Variants in PDE4B observed in about 807,000 individuals in gnomAD.
PDE4B encodes the protein 3',5'-cyclic-AMP phosphodiesterase 4B.
PDE4B carries 20 observed loss-of-function variants against 82.2 expected under a neutral mutation model. The observed-to-expected ratio is 0.24, with a 90% CI of 0.17 to 0.35. PDE4B has a LOEUF of 0.35. Ranked by LOEUF, PDE4B falls within the 10% of genes least tolerant of loss-of-function variation. PDE4B has a pLI of 1.00. For missense variants in PDE4B, 655 were observed against 907.2 expected, an observed-to-expected ratio of 0.72 and a Z score of 3.57; for synonymous variants, 320 against 318.9, an observed-to-expected ratio of 1.00 and a Z score of -0.04.
chr1:65,833,346 C>A (rs2101305153), intron 1 of PDE4B, among the ~76,000 whole-genome samples: 1 of 152,338 alleles, frequency 6.6e-6, no homozygotes, highest in Non-Finnish European at 1.5e-5. Context: ...AGCCTTTCCA[C>A]TTCTCCCCTC....
intron 1 of PDE4B, among the ~76,000 whole-genome samples, chr1:65,857,312 C>G (rs1047473982): frequency 6.6e-6 from 1 of 152,198 alleles, no homozygotes; most frequent in Non-Finnish European, 1.5e-5. Flanking sequence ...TCCTGGTACT[C>G]ATTGCATTCC....
intron 3 of PDE4B, among the ~76,000 whole-genome samples, chr1:66,139,977 C>G (rs1646139458): frequency 6.6e-6 from 1 of 152,100 alleles, no homozygotes; most frequent in Non-Finnish European, 1.5e-5. Flanking sequence ...GGCAGTGATC[C>G]CACTAGACTC....
rs1270950435 is a variant in PDE4B at position 65,796,984 on chromosome 1, G to A, written c.-71+3736G>A. ...TTTTTTTTTTTTGAGATGGAGTCTC[G>A]CTCTGTTGCCTAGGCTGGAATGCAG... On this transcript the variant is annotated intron_variant, in intron 1 of 16. Transcript: ENST00000341517. Among the ~76,000 whole-genome samples the A allele has an allele frequency of 1.4e-4, 19 of 139,464 alleles. No individual in the cohort carries two copies. The South Asian group carries it at 2.7e-3, about 20-fold the overall frequency. 91.5% of individuals were successfully genotyped at this position (139,464 alleles called of 152,430 possible).
chr1:65,983,771 C>T (rs1441162601), intron 3 of PDE4B, among the ~76,000 whole-genome samples: 1 of 128,094 alleles, frequency 7.8e-6, no homozygotes, highest in Non-Finnish European at 1.7e-5. Flanking sequence ...ATTTAAACCA[C>T]CCACTCATTT....
intron 1 of PDE4B, among the ~76,000 whole-genome samples, chr1:65,897,738 TG>T (rs1646927316): frequency 6.6e-6 from 1 of 152,138 alleles, no homozygotes; most frequent in South Asian, 2.1e-4. Context: ...CTACCATTGA[TG>T]GGCACACAGG....
At chr1:66,266,124 G>A (rs1655018135) in intron 7 of PDE4B, 37 bp downstream of exon 7, 1 of 1,471,346 alleles carries the variant, frequency 6.8e-7, no homozygotes, top group African/African-American at 1.4e-5. Flanking sequence ...GATGTTTCAA[G>A]ATAGAATAAT....
At chr1:66,322,959 A>G (rs148738999) in intron 7 of PDE4B, among the ~76,000 whole-genome samples, 72 of 152,252 alleles carry the variant, frequency 4.7e-4, no homozygotes, top group African/African-American at 1.7e-3. Flanking sequence ...AAACTCGTGT[A>G]TGTCTTCCTG....
intron 1 of PDE4B, among the ~76,000 whole-genome samples, chr1:65,905,107 A>G (rs1174236491): frequency 6.6e-6 from 1 of 152,178 alleles, no homozygotes; most frequent in East Asian, 1.9e-4. Context: ...GCTTGGCACA[A>G]GAGATATAGT....
At chr1:66,083,896 T>C (rs1656869726) in intron 3 of PDE4B, among the ~76,000 whole-genome samples, 1 of 152,196 alleles carries the variant, frequency 6.6e-6, no homozygotes, top group Non-Finnish European at 1.5e-5. Flanking sequence ...GCCAGTCTTC[T>C]TTCTTCAGCT....
At chr1:65,946,469 GTGATGGTA>G (rs1648718342) in intron 3 of PDE4B, among the ~76,000 whole-genome samples, 1 of 152,052 alleles carries the variant, frequency 6.6e-6, no homozygotes, top group African/African-American at 2.4e-5. Context: ...AGGAAGAGAT[GTGATGGTA>G]TGAACTGTCT....
At chr1:66,188,932 A>G (rs1439326573) in intron 3 of PDE4B, among the ~76,000 whole-genome samples, 3 of 152,150 alleles carry the variant, frequency 2.0e-5, no homozygotes, top group Non-Finnish European at 4.4e-5. Flanking sequence ...CCTATCCTCG[A>G]TGGACTTTAC....
At chr1:66,052,358 A>G (rs1211671520) in intron 3 of PDE4B, among the ~76,000 whole-genome samples, 1 of 152,170 alleles carries the variant, frequency 6.6e-6, no homozygotes, top group African/African-American at 2.4e-5. Flanking sequence ...TATATGCAGA[A>G]TCTTAGTGAC....
At chr1:66,041,767 G>T (rs1421243817) in intron 3 of PDE4B, among the ~76,000 whole-genome samples, 1 of 150,478 alleles carries the variant, frequency 6.6e-6, no homozygotes, top group Non-Finnish European at 1.5e-5. Context: ...ATAACTTGAG[G>T]AGGAAGAATC....
chr1:66,258,661 C>T (rs1422611165), intron 6 of PDE4B, among the ~76,000 whole-genome samples: 2 of 152,032 alleles, frequency 1.3e-5, no homozygotes, highest in African/African-American at 2.4e-5. Context: ...GCTAACAACC[C>T]CCTCCCCCCG....
At chr1:66,299,857 A>G (rs895254112) in intron 7 of PDE4B, among the ~76,000 whole-genome samples, 1 of 152,138 alleles carries the variant, frequency 6.6e-6, no homozygotes, top group South Asian at 2.1e-4. Context: ...AGTTTTTATC[A>G]TTAAGGGAAA....
intron 7 of PDE4B, among the ~76,000 whole-genome samples, chr1:66,285,856 G>C (rs949966401): frequency 6.6e-6 from 1 of 152,084 alleles, no homozygotes. Flanking sequence ...AGAACCAAAG[G>C]TGTTGACAAT....
At chr1:66,077,619 T>C (rs1656503308) in intron 3 of PDE4B, among the ~76,000 whole-genome samples, 1 of 152,256 alleles carries the variant, frequency 6.6e-6, no homozygotes, top group Admixed American at 6.5e-5. Flanking sequence ...ATAATTCTGG[T>C]CTGCCCTGCA....
intron 1 of PDE4B, among the ~76,000 whole-genome samples, chr1:65,828,777 G>A (rs1478254153): frequency 1.3e-5 from 2 of 151,912 alleles, no homozygotes; most frequent in Non-Finnish European, 2.9e-5. Flanking sequence ...TAACCCCTAG[G>A]AAAATCACTT....
chr1:66,014,545 C>A (rs1364220154), intron 3 of PDE4B, among the ~76,000 whole-genome samples: 1 of 152,052 alleles, frequency 6.6e-6, no homozygotes, highest in Non-Finnish European at 1.5e-5. Context: ...TGGTACCCAG[C>A]TCTCCCAACA....
Sources: gnomAD v4.1 joint callset for allele counts (sites outside exome capture counted in the v4.1 genomes callset) on GRCh38, gnomAD v4.1.1 for gene constraint, MANE v1.5 for transcripts, NCBI Gene and HGNC (gene_info 2026-07-23, HGNC 2026-07-21) for gene names.